Variants in PTGER3 observed in about 807,000 individuals in gnomAD.
PTGER3 encodes prostaglandin E receptor 3.
PTGER3 carries 22 observed loss-of-function variants against 34.7 expected under a neutral mutation model. The ratio of observed to expected loss-of-function variants is 0.63; its 90% confidence interval spans 0.45 to 0.91. PTGER3 has a LOEUF of 0.91. Ranked by LOEUF, PTGER3 falls within the 40% of genes least tolerant of loss-of-function variation. The probability of loss-of-function intolerance (pLI) is 0.00; values close to 1 mark genes in which losing one functional copy is unlikely to be tolerated. For missense variants in PTGER3, 468 were observed against 519.4 expected (o/e 0.90, Z 0.96); for synonymous variants, 241 against 230.1 (o/e 1.05, Z -0.43).
At chr1:70,925,480 G>C (rs1358922726) in intron 4 of PTGER3, among the ~76,000 whole-genome samples, 1 of 152,074 alleles carries the variant, frequency 6.6e-6, no homozygotes, top group Non-Finnish European at 1.5e-5. Context: ...ATTATCCATT[G>C]TAGCATTGTA....
At chr1:70,877,632 C>A (rs1342915566) in intron 4 of PTGER3, among the ~76,000 whole-genome samples, 1 of 152,084 alleles carries the variant, frequency 6.6e-6, no homozygotes, top group Non-Finnish European at 1.5e-5. Context: ...TCCTCCAATG[C>A]CAAGTTTGTT....
chr1:70,952,270 G>T (rs558191399), downstream of PTGER3, among the ~76,000 whole-genome samples: 8 of 43,028 alleles, frequency 1.9e-4, no homozygotes, highest in East Asian at 0.013. Context: ...TGGCCTGAAA[G>T]ATTCAGAATT....
At chr1:71,012,527 T>C in intron 1 of PTGER3, 43 bp from the exon 2 acceptor site, 1 of 1,525,792 alleles carries the variant, frequency 6.6e-7, no homozygotes, top group South Asian at 1.2e-5. Context: ...ATTAGTAAGG[T>C]CATATGCATC....
downstream of PTGER3, among the ~76,000 whole-genome samples, chr1:70,968,285 A>G (rs1652737443): frequency 6.6e-6 from 1 of 152,202 alleles, no homozygotes; most frequent in South Asian, 2.1e-4. Flanking sequence ...AGCCCACTTA[A>G]AGCATATTAA....
At chr1:71,012,205 G>T in intron 2 of PTGER3, 100 bp downstream of exon 2, 1 of 1,606,202 alleles carries the variant, frequency 6.2e-7, no homozygotes, top group Non-Finnish European at 8.5e-7. Context: ...TGCAAGTTAA[G>T]TGTTTTCTTT....
intron 4 of PTGER3, among the ~76,000 whole-genome samples, chr1:70,882,879 T>C (rs534781333): frequency 6.6e-6 from 1 of 152,326 alleles, no homozygotes; most frequent in East Asian, 1.9e-4. Context: ...CCCAATGTGG[T>C]TTCTCAGATG....
At chr1:71,031,939 T>C (rs1460986877) in intron 1 of PTGER3, among the ~76,000 whole-genome samples, 1 of 152,222 alleles carries the variant, frequency 6.6e-6, no homozygotes, top group Non-Finnish European at 1.5e-5. Flanking sequence ...CTAATGTCTT[T>C]TATAGAGCAA....
intron 2 of PTGER3, among the ~76,000 whole-genome samples, chr1:70,979,141 CA>C (rs1312877316): frequency 6.6e-6 from 1 of 152,122 alleles, no homozygotes; most frequent in African/African-American, 2.4e-5. Flanking sequence ...CCCACAAGAG[CA>C]GAGATTTTCA....
intron 1 of PTGER3, among the ~76,000 whole-genome samples, chr1:71,039,556 A>G (rs1338316176): frequency 2.7e-5 from 4 of 148,126 alleles, no homozygotes; most frequent in African/African-American, 5.1e-5. Context: ...AGGCTGAGGC[A>G]GGAGAATGGC....
At chr1:71,046,089 C>T (rs1416443068) in intron 1 of PTGER3, among the ~76,000 whole-genome samples, 1 of 150,372 alleles carries the variant, frequency 6.7e-6, no homozygotes, top group Non-Finnish European at 1.5e-5. Context: ...GTCAGGAGAT[C>T]GAGACCACGG....
At chr1:70,870,717 A>G (rs973836370) in intron 4 of PTGER3, among the ~76,000 whole-genome samples, 10 of 152,194 alleles carry the variant, frequency 6.6e-5, no homozygotes, top group African/African-American at 2.4e-4. Flanking sequence ...TCAAACTTCC[A>G]CAGATTCCTA....
At chr1:71,021,946 A>C (rs1658459524) in intron 1 of PTGER3, among the ~76,000 whole-genome samples, 1 of 152,050 alleles carries the variant, frequency 6.6e-6, no homozygotes, top group South Asian at 2.1e-4. Context: ...AATATTTAGT[A>C]ACATGAAGAA....
At chr1:70,979,312 A>T (rs1654021647) in intron 2 of PTGER3, among the ~76,000 whole-genome samples, 1 of 152,226 alleles carries the variant, frequency 6.6e-6, no homozygotes, top group South Asian at 2.1e-4. Flanking sequence ...GTGAAAAAAA[A>T]AAAAGCTGAG....
chr1:70,874,815 A>G (rs766776077), intron 4 of PTGER3, among the ~76,000 whole-genome samples: 7 of 151,762 alleles, frequency 4.6e-5, no homozygotes, highest in Non-Finnish European at 7.4e-5. Context: ...AGAATAATTC[A>G]TTTTATGTTT....
chr1:70,988,708 G>C (rs1022813307), intron 2 of PTGER3, among the ~76,000 whole-genome samples: 4 of 152,148 alleles, frequency 2.6e-5, no homozygotes, highest in Non-Finnish European at 5.9e-5. Flanking sequence ...AAATAGGAAA[G>C]AGATACCCAT....
intron 2 of PTGER3, chr1:71,011,792 G>A: frequency 2.0e-6 from 2 of 989,770 alleles, no homozygotes; most frequent in Non-Finnish European, 2.4e-6. Context: ...GAAAGCGAGA[G>A]AGGCAATGAA....
intron 4 of PTGER3, among the ~76,000 whole-genome samples, chr1:70,902,108 A>G (rs534014356): frequency 6.6e-6 from 1 of 152,348 alleles, no homozygotes; most frequent in South Asian, 2.1e-4. Flanking sequence ...TCCTTAAAAA[A>G]GGAAGAAAAG....
At chr1:71,040,191 G>A (rs962867413) in intron 1 of PTGER3, among the ~76,000 whole-genome samples, 1 of 151,710 alleles carries the variant, frequency 6.6e-6, no homozygotes, top group Non-Finnish European at 1.5e-5. Flanking sequence ...GAAGGGAAGG[G>A]AAAGGAAAGG....
intron 2 of PTGER3, chr1:71,012,008 A>G: frequency 7.2e-7 from 1 of 1,389,670 alleles, no homozygotes; most frequent in Non-Finnish European, 9.3e-7. Context: ...CAAAAACACT[A>G]GACTGTTATT....
Sources: allele counts gnomAD v4.1 joint callset (sites outside exome capture counted in the v4.1 genomes callset), GRCh38; gene constraint gnomAD v4.1.1; transcripts MANE v1.5; gene names NCBI Gene and HGNC (gene_info 2026-07-23, HGNC 2026-07-21).